The following PLA2G4A variants were observed in gnomAD, a reference collection of about 807,000 sequenced individuals.
PLA2G4A encodes the protein cytosolic phospholipase A2.
PLA2G4A carries 40 observed loss-of-function variants against 81.9 expected under a neutral mutation model. The observed-to-expected ratio is 0.49, with a 90% CI of 0.38 to 0.64. The LOEUF is 0.64. PLA2G4A is among the 30% of genes least tolerant of loss of function. The probability of loss-of-function intolerance (pLI) is 0.00; values close to 1 mark genes in which losing one functional copy is unlikely to be tolerated. For synonymous variants in PLA2G4A, 302 were observed against 296.9 expected, an observed-to-expected ratio of 1.02 and a Z score of -0.18; for missense variants, 715 against 905.1, an observed-to-expected ratio of 0.79 and a Z score of 2.69.
At chr1:186,912,743 TATA>T (rs1558429959) in intron 7 of PLA2G4A, among the ~76,000 whole-genome samples, 1 of 143,722 alleles carries the variant, frequency 7.0e-6, no homozygotes, top group Non-Finnish European at 1.5e-5. Flanking sequence ...TATATATACA[TATA>T]TATGTATATA....
intron 3 of PLA2G4A, among the ~76,000 whole-genome samples, chr1:186,881,473 C>T (rs1024847598): frequency 1.2e-4 from 18 of 152,012 alleles, no homozygotes; most frequent in African/African-American, 4.3e-4. Context: ...CTTCTGCACT[C>T]CCAGCAATTC....
chr1:186,841,434 G>A (rs976226402), intron 1 of PLA2G4A, among the ~76,000 whole-genome samples: 2 of 152,120 alleles, frequency 1.3e-5, no homozygotes, highest in Non-Finnish European at 2.9e-5. Context: ...GCATGTGGGG[G>A]GCAGGGTGGG....
Position 186,939,059 on chromosome 1 carries a change from G to A in PLA2G4A, c.747G>A (p.Glu249=), listed in dbSNP as rs765064579. The part of the protein sequence containing the change: ...SHPDFPEKGP[E]EINEELMKNV... ...CTGATTTTCCAGAGAAAGGGCCAGA[G>A]GAGATTAATGAAGAACTAATGAAAA... The change falls in exon 9 of 18, where the codon GAG becomes GAA. Residue 249 remains glutamate (E), a synonymous_variant. Transcript: ENST00000367466. The A allele has an allele frequency of 1.2e-6, 2 of 1,611,248 alleles. No individual in the cohort carries two copies. The highest frequency in any genetic ancestry group is 8.5e-7 in the Non-Finnish European group (1 of 1,177,672).
chr1:186,899,327 C>T (rs918265818), intron 5 of PLA2G4A, among the ~76,000 whole-genome samples: 8 of 151,858 alleles, frequency 5.3e-5, no homozygotes, highest in Non-Finnish European at 8.8e-5. Context: ...GGAGGGAGAC[C>T]GGGAGGAGAT....
chr1:186,927,633 C>G (rs1288219461), intron 7 of PLA2G4A, among the ~76,000 whole-genome samples: 2 of 152,054 alleles, frequency 1.3e-5, no homozygotes, highest in Non-Finnish European at 2.9e-5. Flanking sequence ...ACAATAAGGA[C>G]CATATTTCAG....
chr1:186,921,727 T>G (rs1278125067), intron 7 of PLA2G4A, among the ~76,000 whole-genome samples: 9 of 152,054 alleles, frequency 5.9e-5, no homozygotes, highest in South Asian at 4.2e-4. Context: ...CTGCCATGAT[T>G]CTTCTGGAGT....
At chr1:186,920,320 ACTAT>A (rs1379616519) in intron 7 of PLA2G4A, among the ~76,000 whole-genome samples, 2 of 152,166 alleles carry the variant, frequency 1.3e-5, no homozygotes, top group Non-Finnish European at 2.9e-5. Context: ...GAACTGGTGA[ACTAT>A]CTCATGTCCC....
chr1:186,896,687 T>TAAAA (rs35947118), intron 5 of PLA2G4A, among the ~76,000 whole-genome samples: 1 of 152,242 alleles, frequency 6.6e-6, no homozygotes, highest in South Asian at 2.1e-4. Flanking sequence ...CCTAGGGCTC[T>TAAAA]AAAAAGGCTT....
intron 5 of PLA2G4A, among the ~76,000 whole-genome samples, chr1:186,895,078 G>A (rs927290904): frequency 3.9e-5 from 6 of 152,074 alleles, no homozygotes; most frequent in African/African-American, 1.4e-4. Flanking sequence ...TCCCAAATGA[G>A]TCTTCCTCCT....
At chr1:186,924,487 T>C (rs916623417) in intron 7 of PLA2G4A, among the ~76,000 whole-genome samples, 2 of 152,218 alleles carry the variant, frequency 1.3e-5, no homozygotes, top group Non-Finnish European at 2.9e-5. Flanking sequence ...TTTGGTGTTC[T>C]TTACCAGCTC....
At chr1:186,950,531 T>A in intron 12 of PLA2G4A, 126 bp from the exon 13 acceptor site, 1 of 578,828 alleles carries the variant, frequency 1.7e-6, no homozygotes, top group Admixed American at 2.9e-5. Context: ...TAAATGGATT[T>A]AAATTTATAC....
chr1:186,839,383 C>T (rs1227037779), intron 1 of PLA2G4A, among the ~76,000 whole-genome samples: 1 of 152,190 alleles, frequency 6.6e-6, no homozygotes, highest in Non-Finnish European at 1.5e-5. Context: ...TATTCCTGGT[C>T]CTGTCCATAT....
chr1:186,950,766 A>G, intron 13 of PLA2G4A, 38 bp downstream of exon 13: 1 of 1,090,158 alleles, frequency 9.2e-7, no homozygotes, highest in Non-Finnish European at 1.4e-6. Context: ...CAGATCCATG[A>G]GGAAAGGATA....
chr1:186,930,122 G>A (rs1298216299), intron 7 of PLA2G4A, among the ~76,000 whole-genome samples: 2 of 152,056 alleles, frequency 1.3e-5, no homozygotes, highest in Admixed American at 1.3e-4. Context: ...ACAAACAAAC[G>A]GAGTAATAGT....
chr1:186,962,987 C>A (rs1312019825), intron 14 of PLA2G4A, among the ~76,000 whole-genome samples: 1 of 152,144 alleles, frequency 6.6e-6, no homozygotes, highest in Admixed American at 6.5e-5. Context: ...TATTTTACCT[C>A]TGTGAGCCTC....
At chr1:186,893,213 T>C in intron 4 of PLA2G4A, 54 bp downstream of exon 4, 1 of 1,470,040 alleles carries the variant, frequency 6.8e-7, no homozygotes, top group Non-Finnish European at 9.5e-7. Context: ...TTGAGAGACA[T>C]GCTTGAGTTT....
intron 10 of PLA2G4A, among the ~76,000 whole-genome samples, chr1:186,942,661 G>C (rs1325386273): frequency 6.6e-6 from 1 of 151,876 alleles, no homozygotes; most frequent in Non-Finnish European, 1.5e-5. Context: ...TTAGTCAATA[G>C]CCATTTTCCA....
At chr1:186,906,093 G>A (rs990822492) in intron 5 of PLA2G4A, among the ~76,000 whole-genome samples, 1 of 152,150 alleles carries the variant, frequency 6.6e-6, no homozygotes, top group Non-Finnish European at 1.5e-5. Context: ...CTCTATCTAT[G>A]TTCTTATGGT....
chr1:186,923,154 C>T (rs529946234), intron 7 of PLA2G4A, among the ~76,000 whole-genome samples: 1 of 152,276 alleles, frequency 6.6e-6, no homozygotes, highest in South Asian at 2.1e-4. Context: ...AAGCACAAGC[C>T]ACCATGCCTG....
Sources: gnomAD v4.1 joint callset for allele counts (sites outside exome capture counted in the v4.1 genomes callset) on GRCh38, gnomAD v4.1.1 for gene constraint, MANE v1.5 for transcripts, NCBI Gene and HGNC (gene_info 2026-07-23, HGNC 2026-07-21) for gene names.